The following UTRN variants were observed in gnomAD, a reference collection of about 807,000 sequenced individuals.
UTRN encodes the protein dystrophin-related protein 1.
In UTRN, 283 loss-of-function variants were observed where a neutral mutation model predicts 463.9. That is an observed-to-expected ratio of 0.61 (90% CI 0.55 to 0.67). The LOEUF (loss-of-function observed/expected upper bound fraction) is 0.67, where lower values mean the gene tolerates loss of function less well. Ranked by LOEUF, UTRN falls within the 30% of genes least tolerant of loss-of-function variation. The probability of loss-of-function intolerance (pLI) is 0.00; values close to 1 mark genes in which losing one functional copy is unlikely to be tolerated. For missense variants in UTRN, 3,922 were observed against 4,084.3 expected (o/e 0.96, Z 1.08); for synonymous variants, 1,442 against 1,431.5 (o/e 1.01, Z -0.17).
chr6:144,309,651 C>T (rs6912336), intron 2 of UTRN, among the ~76,000 whole-genome samples: 9,258 of 152,228 alleles, frequency 0.061, 918 homozygotes, highest in African/African-American at 0.21. Context: ...TCTGGAATTG[C>T]CTCCTTACTT....
At chr6:144,572,862 G>A (rs545499652) in intron 50 of UTRN, among the ~76,000 whole-genome samples, 2 of 152,224 alleles carry the variant, frequency 1.3e-5, no homozygotes, top group Non-Finnish European at 2.9e-5. Context: ...AAACATACAT[G>A]TGCATGTGTC....
intron 66 of UTRN, among the ~76,000 whole-genome samples, chr6:144,823,252 A>T (rs1433787439): frequency 1.3e-5 from 2 of 152,166 alleles, no homozygotes; most frequent in East Asian, 3.8e-4. Flanking sequence ...GGACAGATTT[A>T]TGAACTACTA....
intron 25 of UTRN, 101 bp downstream of exon 25, chr6:144,474,860 A>G: frequency 1.5e-6 from 2 of 1,349,164 alleles, no homozygotes; most frequent in Non-Finnish European, 1.0e-6. Flanking sequence ...TTGAAAAACG[A>G]TGGTCTAGAA....
chr6:144,837,235 G>A (rs1013199265), intron 71 of UTRN: 1 of 151,984 alleles, frequency 6.6e-6, no homozygotes, highest in South Asian at 2.1e-4. Flanking sequence ...ATAACTCATC[G>A]GTGGGTTATT....
chr6:144,459,768 T>A (rs1245338456), intron 21 of UTRN, among the ~76,000 whole-genome samples: 1 of 151,996 alleles, frequency 6.6e-6, no homozygotes, highest in Non-Finnish European at 1.5e-5. Flanking sequence ...TTTTTTATTT[T>A]TAGTAGAGCC....
intron 2 of UTRN, among the ~76,000 whole-genome samples, chr6:144,371,941 C>G (rs911021465): frequency 6.6e-6 from 1 of 152,126 alleles, no homozygotes; most frequent in African/African-American, 2.4e-5. Context: ...TGCATCTCAG[C>G]AAAAATACCA....
rs1009860305 is a variant in UTRN at position 144,761,051 on chromosome 6, G to A, written c.8495+3062G>A. Among the ~76,000 whole-genome samples the A allele has an allele frequency of 1.7e-4, 26 of 152,040 alleles. 1 individual carries two copies. Among genetic ancestry groups the A allele is most frequent in the Admixed American group, 2.6e-4 (4 of 15,254 alleles). ...TGAAGTGCACTGCGGTGGCTCCATG[G>A]CTCATGTGTTTGTAGAAAATGAAAG... On this transcript the variant is annotated intron_variant, in intron 58 of 74. Coordinates refer to ENST00000367545, the MANE Select transcript of UTRN (RefSeq NM_007124.3).
chr6:144,514,786 T>C lies in UTRN; in HGVS notation c.5210T>C (p.Phe1737Ser), dbSNP rs1795470664. ...EPKLAELNRN[F>S]EKVSQHIKSA... is the part of the protein sequence containing the mutation. Reference sequence around the variant, plus strand: ...AAGTTAGCTGAGCTGAATAGGAACTTTGAAAAGGTGTCTCAACATATCAAA... The same window carrying C: ...AAGTTAGCTGAGCTGAATAGGAACTCTGAAAAGGTGTCTCAACATATCAAA... The change falls in exon 37 of 75, where the codon TTT (phenylalanine) becomes TCT (serine). Residue 1737 changes from phenylalanine to serine, a missense_variant. Phe to Ser is a radical substitution (Grantham distance 155). This residue lies in a region of UTRN where 2,349 missense variants were observed against 2,303.8 expected (regional missense o/e 1.02). Transcript: ENST00000367545. 1 of 1,613,970 alleles carries C rather than the reference T, an allele frequency of 6.2e-7. No homozygotes were observed. The highest frequency in any genetic ancestry group is 8.5e-7 in the Non-Finnish European group (1 of 1,179,960).
At chr6:144,517,125 G>A (rs1411249104) in intron 39 of UTRN, among the ~76,000 whole-genome samples, 177 bp downstream of exon 39, 1 of 151,552 alleles carries the variant, frequency 6.6e-6, no homozygotes, top group East Asian at 1.9e-4. Flanking sequence ...AACTCAAAAT[G>A]GAAATGTAAA....
At chr6:144,671,317 G>A (rs1357944164) in intron 51 of UTRN, among the ~76,000 whole-genome samples, 2 of 152,032 alleles carry the variant, frequency 1.3e-5, no homozygotes, top group African/African-American at 4.8e-5. Flanking sequence ...ATTTCTTTCA[G>A]CAGCATTTTA....
intron 38 of UTRN, 136 bp from the exon 39 acceptor site, chr6:144,516,675 T>G (rs1562513507): frequency 1.4e-6 from 1 of 714,976 alleles, no homozygotes; most frequent in Non-Finnish European, 2.0e-6. Context: ...AAAACATAAA[T>G]TTTTTGATCG....
chr6:144,470,814 C>G (rs1790523189), intron 23 of UTRN, among the ~76,000 whole-genome samples: 2 of 151,988 alleles, frequency 1.3e-5, no homozygotes, highest in African/African-American at 4.8e-5. Context: ...CACTCTCGGT[C>G]AGGAACTGGA....
At chr6:144,434,995 A>G (rs1270265273) in intron 9 of UTRN, among the ~76,000 whole-genome samples, 1 of 152,226 alleles carries the variant, frequency 6.6e-6, no homozygotes, top group East Asian at 1.9e-4. Context: ...AGATGATGCT[A>G]GAAAGGTCCG....
At chr6:144,322,809 G>T (rs1356834495) in intron 2 of UTRN, among the ~76,000 whole-genome samples, 6 of 152,080 alleles carry the variant, frequency 3.9e-5, no homozygotes, top group Non-Finnish European at 8.8e-5. Context: ...CAGGCGTGGT[G>T]GCGGGCTCCT....
At chr6:144,436,888 ATT>A (rs1283434125) in intron 10 of UTRN, among the ~76,000 whole-genome samples, 2 of 144,742 alleles carry the variant, frequency 1.4e-5, no homozygotes, top group African/African-American at 5.0e-5. Context: ...ATATATAAAT[ATT>A]TTTATATATA....
At chr6:144,351,428 A>G (rs903918821) in intron 2 of UTRN, among the ~76,000 whole-genome samples, 9 of 152,214 alleles carry the variant, frequency 5.9e-5, no homozygotes, top group African/African-American at 1.9e-4. Context: ...CTGTAATTCT[A>G]TGTTGGGTTC....
intron 41 of UTRN, among the ~76,000 whole-genome samples, chr6:144,529,655 G>T (rs902668122): frequency 5.3e-5 from 8 of 151,724 alleles, no homozygotes; most frequent in Non-Finnish European, 1.5e-5. Context: ...TTTTTTAAGT[G>T]CTTTTCTTTT....
Position 144,774,300 on chromosome 6 carries a change from T to A in UTRN, c.8568T>A (p.Asn2856Lys), listed in dbSNP as rs1291652585. 1.9e-6 allele frequency: 3 copies of A among 1,603,292 alleles called. No individual in the cohort carries two copies. Among genetic ancestry groups the A allele is most frequent in the Non-Finnish European group, 2.5e-6 (3 of 1,176,682 alleles). ...CTTTTTCTATTTCAGCTGACCTGAA[T>A]AATGTACGTTTTTCTGCCTACCGTA... Reference protein sequence around the residue: ...TELFQSLADLNNVRFSAYRTA... With the variant: ...TELFQSLADLKNVRFSAYRTA... Residue 2856 changes from asparagine to lysine, a missense_variant, in exon 60 of 75, where the codon AAT (asparagine) becomes AAA (lysine). Asn to Lys is a moderately conservative substitution (Grantham distance 94, BLOSUM62 0). Transcript: ENST00000367545.
chr6:144,294,871 A>G (rs1431723906), intron 2 of UTRN, among the ~76,000 whole-genome samples: 1 of 152,188 alleles, frequency 6.6e-6, no homozygotes, highest in African/African-American at 2.4e-5. Context: ...GTACGTAATG[A>G]AGTAGTTTCA....
Sources: allele counts gnomAD v4.1 joint callset (sites outside exome capture counted in the v4.1 genomes callset), GRCh38; gene constraint gnomAD v4.1.1; regional missense constraint gnomAD v4.1.1; transcripts MANE v1.5; gene names NCBI Gene and HGNC (gene_info 2026-07-23, HGNC 2026-07-21).